SLC1A1: variants seen among roughly 807,000 people sequenced by gnomAD.
The protein encoded by SLC1A1 is solute carrier family 1 member 1, also known as excitatory amino acid transporter 3.
Under a neutral mutation model 53.3 loss-of-function variants are expected in SLC1A1, and 43 were observed. The ratio of observed to expected loss-of-function variants is 0.81; its 90% CI spans 0.63 to 1.04. The LOEUF is 1.04. SLC1A1 is among the 50% of genes least tolerant of loss of function. SLC1A1 has a pLI of 0.00. For synonymous variants in SLC1A1, 307 were observed against 243.2 expected (o/e 1.26, Z -2.44); for missense variants, 748 against 664.9 (o/e 1.12, Z -1.37).
intron 10 of SLC1A1, among the ~76,000 whole-genome samples, chr9:4,578,925 C>A (rs182901221): frequency 2.6e-5 from 4 of 152,306 alleles, no homozygotes. Context: ...GGTCCCTAGG[C>A]CTGCTCAAGG....
intron 1 of SLC1A1, among the ~76,000 whole-genome samples, chr9:4,539,277 G>T (rs899020557): frequency 6.6e-6 from 1 of 152,184 alleles, no homozygotes; most frequent in African/African-American, 2.4e-5. Flanking sequence ...TGGAAAAAAC[G>T]AGAGAGGGAG....
chr9:4,572,791 T>C (rs1394973477), intron 7 of SLC1A1, among the ~76,000 whole-genome samples: 1 of 152,142 alleles, frequency 6.6e-6, no homozygotes, highest in Admixed American at 6.5e-5. Flanking sequence ...TCAAGCAATC[T>C]ACCCACTTCA....
intron 1 of SLC1A1, among the ~76,000 whole-genome samples, chr9:4,525,111 G>A (rs1816213127): frequency 6.6e-6 from 1 of 152,160 alleles, no homozygotes; most frequent in Admixed American, 6.5e-5. Flanking sequence ...TGGCCCACGT[G>A]AGTGAAGGAG....
chr9:4,542,873 T>A (rs1270063122), intron 1 of SLC1A1, among the ~76,000 whole-genome samples: 1 of 152,230 alleles, frequency 6.6e-6, no homozygotes, highest in African/African-American at 2.4e-5. Context: ...TTTTGTTTCA[T>A]CTTTGTCTTA....
chr9:4,557,009 G>A (rs780229479), intron 2 of SLC1A1, among the ~76,000 whole-genome samples: 4 of 152,104 alleles, frequency 2.6e-5, no homozygotes, highest in South Asian at 2.1e-4. Flanking sequence ...AAGTGTTCTC[G>A]TTGGCTGCCC....
chr9:4,576,653 T>G lies in SLC1A1; in HGVS notation c.1083T>G (p.Val361=). 6.2e-7 allele frequency: 1 copy of G among 1,614,102 alleles called. No individual in the cohort carries two copies. The highest frequency in any genetic ancestry group is 8.5e-7 in the Non-Finnish European group (1 of 1,179,926). ...GGATCACTCGATTCGTGTTACCCGTTGGTGCAACAATCAACATGGATGGGA... is the reference window on the plus strand; with the variant it reads ...GGATCACTCGATTCGTGTTACCCGTGGGTGCAACAATCAACATGGATGGGA... ...DKRITRFVLP[V]GATINMDGTA... The change falls in exon 10 of 12, where the codon GTT becomes GTG. Residue 361 remains valine, a synonymous_variant. Transcript: ENST00000262352.
intron 1 of SLC1A1, among the ~76,000 whole-genome samples, chr9:4,496,486 C>T (rs1449583436): frequency 1.3e-5 from 2 of 151,996 alleles, no homozygotes; most frequent in Non-Finnish European, 2.9e-5. Flanking sequence ...TCCCAAAGTG[C>T]TAGGATTACA....
chr9:4,490,607 G>A lies in SLC1A1; in HGVS notation c.-73G>A, dbSNP rs1006001587. On this transcript the variant is annotated 5_prime_UTR_variant, in exon 1 of 12. Coordinates refer to ENST00000262352, the MANE Select transcript of SLC1A1 (RefSeq NM_004170.6). ...CACCCGCATCTCGCCGCGCCGCCGA[G>A]CAGCCAGCAGTCCCCGGGTCGCCCA... 15 of 1,252,190 alleles carry A rather than the reference G, an allele frequency of 1.2e-5. No homozygotes were observed. The Admixed American group carries it at 2.8e-4, about 24-fold the overall frequency. The allele number at this position is 1,252,190 out of a possible 1,614,324, so 77.6% of individuals were successfully genotyped here. A position where few individuals can be genotyped will look rare whatever the true frequency, so the allele number is the denominator to read the frequency against.
rs974389203 is a variant in SLC1A1 at position 4,586,094 on chromosome 9, T to A, written c.*536T>A. 2 of 179,668 alleles carry A rather than the reference T, an allele frequency of 1.1e-5. No homozygotes were observed. The highest frequency in any genetic ancestry group is 1.2e-5 in the Non-Finnish European group (1 of 85,024). The allele number at this position is 179,668 out of a possible 1,614,324, so 11.1% of individuals were successfully genotyped here. A position where few individuals can be genotyped will look rare whatever the true frequency, so the allele number is the denominator to read the frequency against. On this transcript the variant is annotated 3_prime_UTR_variant, in exon 12 of 12. Coordinates refer to ENST00000262352, the MANE Select transcript of SLC1A1 (RefSeq NM_004170.6). ...CAATTTCAAAGAAAACAGACCAGCA[T>A]AGTTCTGCAATAACAGTTTTAAGAT... is the stretch of plus-strand genomic sequence containing the variant.
At chr9:4,503,438 A>C (rs569903555) in intron 1 of SLC1A1, among the ~76,000 whole-genome samples, 1 of 151,988 alleles carries the variant, frequency 6.6e-6, no homozygotes, top group South Asian at 2.1e-4. Context: ...GTGGCAATAC[A>C]TCCACAATCA....
intron 3 of SLC1A1, among the ~76,000 whole-genome samples, chr9:4,562,307 C>T (rs958993077): frequency 6.6e-6 from 1 of 152,134 alleles, no homozygotes; most frequent in Non-Finnish European, 1.5e-5. Context: ...CTCCTGACCT[C>T]AGGTGATCTA....
intron 3 of SLC1A1, among the ~76,000 whole-genome samples, chr9:4,563,732 T>G (rs1420426677): frequency 6.6e-6 from 1 of 152,220 alleles, no homozygotes; most frequent in African/African-American, 2.4e-5. Flanking sequence ...TGTCAGATGC[T>G]CTGCCATGTA....
In SLC1A1 at chr9:4,573,949, C is replaced by A; in HGVS notation, c.810C>A (p.Ile270=). The change falls in exon 8 of 12, where the codon ATC becomes ATA. Residue 270 remains isoleucine (I), a synonymous_variant. Transcript: ENST00000262352. ...TTTTGTTCCTGATTGCTGGGAAGAT[C>A]ATAGAAGTTGAAGACTGGGAAATAT... is the stretch of plus-strand genomic sequence containing the variant. ...LGILFLIAGK[I]IEVEDWEIFR... is the part of the protein sequence containing the mutation. 6.2e-7 allele frequency: 1 copy of A among 1,613,926 alleles called. No individual in the cohort carries two copies. Among genetic ancestry groups the A allele is most frequent in the South Asian group, 1.1e-5 (1 of 91,068 alleles).
At chr9:4,502,085 T>A (rs1187999610) in intron 1 of SLC1A1, among the ~76,000 whole-genome samples, 1 of 151,494 alleles carries the variant, frequency 6.6e-6, no homozygotes, top group East Asian at 1.9e-4. Context: ...AGGTTTCATT[T>A]AAGATTTCCC....
chr9:4,576,457 A>G (rs1158867634), intron 9 of SLC1A1, 112 bp from the exon 10 acceptor site: 1 of 880,048 alleles, frequency 1.1e-6, no homozygotes, highest in African/African-American at 1.6e-5. Flanking sequence ...TTTCTCGACA[A>G]GATTACCTAA....
intron 2 of SLC1A1, among the ~76,000 whole-genome samples, chr9:4,545,693 C>T (rs959473256): frequency 6.6e-6 from 1 of 152,170 alleles, no homozygotes; most frequent in South Asian, 2.1e-4. Flanking sequence ...GCACCATATT[C>T]GAAAAGCCTA....
rs76298415 is a variant in SLC1A1 at position 4,544,441 on chromosome 9, G to A, written c.92-126G>A. 6.5e-4 allele frequency: 537 copies of A among 827,396 alleles called. 3 individuals carry two copies. The African/African-American group carries it at 7.5e-3, about 11-fold the overall frequency. The allele number at this position is 827,396 out of a possible 1,614,324, so 51.3% of individuals were successfully genotyped here. On this transcript the variant is annotated intron_variant, in intron 1 of 11. Transcript: ENST00000262352. ...TTCAGTCTAGATTTTACAGACTCATGGGAAATGATCTAAACTATTTTTCTT... is the reference window on the plus strand; with the variant it reads ...TTCAGTCTAGATTTTACAGACTCATAGGAAATGATCTAAACTATTTTTCTT...
chr9:4,533,143 A>G (rs1227066778), intron 1 of SLC1A1, among the ~76,000 whole-genome samples: 2 of 152,210 alleles, frequency 1.3e-5, no homozygotes, highest in Non-Finnish European at 2.9e-5. Context: ...GGCTAGGAAG[A>G]AACTGCATCA....
At position 4,502,575 on chromosome 9, in the gene SLC1A1, G is replaced by C. The variant is rs10758624; in HGVS notation, c.91+11805G>C. On this transcript the variant is annotated intron_variant, in intron 1 of 11. Transcript: ENST00000262352. The stretch of plus-strand genomic sequence containing the variant: ...TCCCATTTGACCCTCAGTACAATGA[G>C]TTAGGGGGTTCCCATTTTACCAGAT... Among the ~76,000 whole-genome samples, 4 of 151,432 alleles carry C rather than the reference G, an allele frequency of 2.6e-5. No individual in the cohort carries two copies. In the East Asian group the frequency reaches 5.8e-4, roughly 22 times the overall value.
Sources: gnomAD v4.1 joint callset for allele counts (sites outside exome capture counted in the v4.1 genomes callset) on GRCh38, gnomAD v4.1.1 for gene constraint, MANE v1.5 for transcripts, NCBI Gene and HGNC (gene_info 2026-07-23, HGNC 2026-07-21) for gene names.